Variants in GNB5 observed in about 807,000 individuals in gnomAD.
GNB5 encodes G protein subunit beta 5.
Under a neutral mutation model 55.3 loss-of-function variants are expected in GNB5, and 37 were observed. That is an observed-to-expected ratio of 0.67 (90% CI 0.51 to 0.88). The LOEUF is 0.88. Among genes scored for constraint, GNB5 ranks in the 40% least tolerant of loss-of-function variants. The pLI, the probability that GNB5 is intolerant of heterozygous loss-of-function variation, is 0.00. For synonymous variants in GNB5, 219 were observed against 198.5 expected, an observed-to-expected ratio of 1.10 and a Z score of -0.87; for missense variants, 476 against 515.3, an observed-to-expected ratio of 0.92 and a Z score of 0.74.
intron 3 of GNB5, among the ~76,000 whole-genome samples, chr15:52,158,077 A>G (rs1286796920): frequency 2.0e-5 from 3 of 152,046 alleles, no homozygotes; most frequent in Non-Finnish European, 2.9e-5. Flanking sequence ...TTGCTAGAAT[A>G]TAATGGTAAC....
chr15:52,147,291 C>T (rs1325850772), intron 6 of GNB5, 168 bp downstream of exon 6: 4 of 546,728 alleles, frequency 7.3e-6, no homozygotes, highest in Non-Finnish European at 1.4e-5. Flanking sequence ...GCAGGCACCA[C>T]TGTGCTGGCT....
chr15:52,128,807 A>C, intron 9 of GNB5: 1 of 452,400 alleles, frequency 2.2e-6, no homozygotes, highest in South Asian at 1.6e-5. Flanking sequence ...AATGATAATT[A>C]TTACTGCTAT....
Position 52,122,569 on chromosome 15 carries a change from T to TATTTC in GNB5, c.*187_*188insGAAAT. 1 of 602,488 alleles carries TATTTC rather than the reference T, an allele frequency of 1.7e-6. No homozygotes were observed. Among genetic ancestry groups the TATTTC allele is most frequent in the Non-Finnish European group, 3.0e-6 (1 of 338,650 alleles). 37.3% of individuals were successfully genotyped at this position (602,488 alleles called of 1,614,324 possible). A position where few individuals can be genotyped will look rare whatever the true frequency, so the allele number is the denominator to read the frequency against. The stretch of plus-strand genomic sequence containing the variant: ...AAGGTATTCTCGCAGTGCTGAAGGC[T>TATTTC]CACACTAGTGTATTTCCAGAGGTGA... On this transcript the variant is annotated 3_prime_UTR_variant, in exon 13 of 13. Coordinates refer to ENST00000261837, the MANE Select transcript of GNB5 (RefSeq NM_016194.4).
At chr15:52,184,842 A>G in intron 1 of GNB5, 148 bp from the exon 2 acceptor site, 1 of 592,652 alleles carries the variant, frequency 1.7e-6, no homozygotes, top group Non-Finnish European at 3.0e-6. Context: ...CCTTTCAACT[A>G]TTACAACATG....
chr15:52,187,045 T>G (rs1175772534), intron 1 of GNB5, among the ~76,000 whole-genome samples: 2 of 152,122 alleles, frequency 1.3e-5, no homozygotes. Flanking sequence ...AAGTTCAAGG[T>G]CAGCGGCAGA....
intron 10 of GNB5, 133 bp from the exon 11 acceptor site, chr15:52,126,177 A>G (rs1054487962): frequency 3.4e-6 from 2 of 594,664 alleles, no homozygotes; most frequent in African/African-American, 3.7e-5. Flanking sequence ...AGTTTTCCCT[A>G]CTGTTATTTC....
chr15:52,162,997 G>A (rs1466110107), intron 3 of GNB5: 1 of 152,216 alleles, frequency 6.6e-6, no homozygotes, highest in Non-Finnish European at 1.5e-5. Context: ...TTCTTGCACT[G>A]GGACTGAATA....
intron 3 of GNB5, among the ~76,000 whole-genome samples, chr15:52,175,280 G>C (rs916302362): frequency 1.3e-5 from 2 of 152,138 alleles, no homozygotes; most frequent in African/African-American, 4.8e-5. Flanking sequence ...GGTGTCAGCC[G>C]CATACCCTAA....
chr15:52,124,005 CAAAAA>C lies in GNB5; in HGVS notation c.1176+463_1176+467del, dbSNP rs56008657. ...TTCCAAGATTAAGCTATAGAAAAAC[CAAAAA>C]AAAAAAAAAAAAAAAAAGGAAGAAA... is the stretch of plus-strand genomic sequence containing the variant. On this transcript the variant is annotated intron_variant, in intron 12 of 12. Coordinates refer to ENST00000261837, the MANE Select transcript of GNB5 (RefSeq NM_016194.4). Among the ~76,000 whole-genome samples the C allele has an allele frequency of 4.7e-3, 400 of 84,416 alleles. 3 individuals carry two copies. The highest frequency in any genetic ancestry group is 0.016 in the African/African-American group (388 of 23,752). 55.4% of individuals were successfully genotyped at this position (84,416 alleles called of 152,430 possible).
At chr15:52,173,669 G>A (rs1423338220) in intron 3 of GNB5, among the ~76,000 whole-genome samples, 2 of 152,318 alleles carry the variant, frequency 1.3e-5, no homozygotes, top group East Asian at 1.9e-4. Flanking sequence ...TCTAAGAGAA[G>A]GTCTAGCATG....
At chr15:52,139,988 A>C in intron 7 of GNB5, 2 of 1,252,746 alleles carry the variant, frequency 1.6e-6, no homozygotes, top group Non-Finnish European at 2.1e-6. Context: ...AAGACATCTC[A>C]TTTTGGCCAC....
chr15:52,163,478 G>A (rs1484645675), intron 3 of GNB5, among the ~76,000 whole-genome samples: 1 of 152,184 alleles, frequency 6.6e-6, no homozygotes, highest in Non-Finnish European at 1.5e-5. Flanking sequence ...GGCCTGAGAC[G>A]ACCGAGCTGG....
rs146727708 is a variant in GNB5 at position 52,156,470 on chromosome 15, G to A, written c.239-2394C>T. Among the ~76,000 whole-genome samples the A allele has an allele frequency of 8.0e-4, 122 of 152,326 alleles. 5 individuals are homozygous for A. The East Asian group carries it at 0.02, about 25-fold the overall frequency. ...AACTAGGCCAGGCACAGTGGCTCAC[G>A]CCTGTAATCCCAGCACTTTGGGAGG... On this transcript the variant is annotated intron_variant, in intron 3 of 12. Transcript: ENST00000261837.
intron 7 of GNB5, 21 bp downstream of exon 7, chr15:52,141,119 C>T: frequency 2.5e-6 from 4 of 1,613,292 alleles, no homozygotes; most frequent in Non-Finnish European, 3.4e-6. Context: ...GTCAACCTGA[C>T]ACCGGGGGCT....
intron 3 of GNB5, among the ~76,000 whole-genome samples, chr15:52,178,335 G>A (rs977602665): frequency 1.3e-5 from 2 of 152,154 alleles, no homozygotes; most frequent in African/African-American, 2.4e-5. Flanking sequence ...GTCTCAAACT[G>A]GGAGAAGGAT....
chr15:52,146,553 T>C (rs895457898), intron 6 of GNB5, among the ~76,000 whole-genome samples: 1 of 152,058 alleles, frequency 6.6e-6, no homozygotes, highest in African/African-American at 2.4e-5. Context: ...TTGGTTCCTT[T>C]TTCCTTTCCT....
chr15:52,134,515 C>T (rs1041574002), intron 8 of GNB5, among the ~76,000 whole-genome samples: 6 of 152,130 alleles, frequency 3.9e-5, no homozygotes, highest in South Asian at 2.1e-4. Context: ...CTGAAAGAGA[C>T]AATATGATCT....
intron 6 of GNB5, among the ~76,000 whole-genome samples, chr15:52,141,482 G>C (rs1467751790): frequency 2.0e-5 from 3 of 148,374 alleles, no homozygotes; most frequent in African/African-American, 7.5e-5. Context: ...TGGCCAGGTT[G>C]GTCTTGAACT....
At chr15:52,175,339 G>A (rs915832970) in intron 3 of GNB5, among the ~76,000 whole-genome samples, 1 of 152,214 alleles carries the variant, frequency 6.6e-6, no homozygotes, top group African/African-American at 2.4e-5. Context: ...CCAATTCACA[G>A]GAAACCATCC....
Sources: gnomAD v4.1 joint callset for allele counts (sites outside exome capture counted in the v4.1 genomes callset) on GRCh38, gnomAD v4.1.1 for gene constraint, MANE v1.5 for transcripts, NCBI Gene and HGNC (gene_info 2026-07-23, HGNC 2026-07-21) for gene names.